Variants in TULP4 observed in about 807,000 individuals in gnomAD.
TULP4 encodes the protein tubby-related protein 4.
Under a neutral mutation model 129.0 loss-of-function variants are expected in TULP4, and 16 were observed. That is an observed-to-expected ratio of 0.12 (90% CI 0.08 to 0.19). The LOEUF (loss-of-function observed/expected upper bound fraction) is 0.19, where lower values mean the gene tolerates loss of function less well. Among genes scored for constraint, TULP4 ranks in the 10% least tolerant of loss-of-function variants. The probability of loss-of-function intolerance (pLI) is 1.00; values close to 1 mark genes in which losing one functional copy is unlikely to be tolerated. For synonymous variants in TULP4, 998 were observed against 854.0 expected, an observed-to-expected ratio of 1.17 and a Z score of -2.94; for missense variants, 1,842 against 2,059.1, an observed-to-expected ratio of 0.89 and a Z score of 2.04.
chr6:158,316,036 A>T (rs1445900866), intron 1 of TULP4, among the ~76,000 whole-genome samples: 2 of 152,224 alleles, frequency 1.3e-5, no homozygotes, highest in Non-Finnish European at 2.9e-5. Flanking sequence ...CTTAATGGAA[A>T]TGGAATCCTT....
Position 158,461,613 on chromosome 6 carries a change from A to G in TULP4, c.910A>G (p.Met304Val). ...GGGGGACTTGCTGGCAGTCGCTGGG[A>G]TGGAACGGCAGACCCAGCTTGGTGA... ...TQGDLLAVAGMERQTQLGELP... is the reference protein window; with the variant it reads ...TQGDLLAVAGVERQTQLGELP... Residue 304 changes from methionine (M) to valine (V), a missense_variant, in exon 6 of 14, where the codon ATG becomes GTG. Met to Val is a conservative substitution (Grantham distance 21). Coordinates refer to ENST00000367097, the MANE Select transcript of TULP4 (RefSeq NM_020245.5). 6.2e-7 allele frequency: 1 copy of G among 1,613,960 alleles called. No individual in the cohort carries two copies. Among genetic ancestry groups the G allele is most frequent in the Non-Finnish European group, 8.5e-7 (1 of 1,179,998 alleles).
intron 8 of TULP4, among the ~76,000 whole-genome samples, chr6:158,486,705 T>A (rs1780079099): frequency 6.6e-6 from 1 of 152,344 alleles, no homozygotes; most frequent in East Asian, 1.9e-4. Context: ...ACAATTTCTA[T>A]TATTGGAGCC....
intron 3 of TULP4, among the ~76,000 whole-genome samples, chr6:158,435,351 T>C (rs1778727648): frequency 6.6e-6 from 1 of 152,134 alleles, no homozygotes; most frequent in Non-Finnish European, 1.5e-5. Flanking sequence ...GCTCTTGGCC[T>C]CAGATGCGGT....
intron 7 of TULP4, 41 bp downstream of exon 7, chr6:158,480,016 G>A (rs374297218): frequency 4.2e-5 from 63 of 1,489,632 alleles, no homozygotes; most frequent in Non-Finnish European, 5.7e-5. Context: ...TCCCTCACCT[G>A]TGCTGGCTCC....
rs1432898072 is a variant in TULP4 at position 158,423,930 on chromosome 6, G to A, written c.382-5806G>A. 5.3e-5 allele frequency among the ~76,000 whole-genome samples: 8 copies of A among 152,134 alleles called. No homozygotes were observed. In the East Asian group the frequency reaches 1.2e-3, roughly 22 times the overall value. On this transcript the variant is annotated intron_variant, in intron 2 of 13. Transcript: ENST00000367097. Reference sequence around the variant, plus strand: ...GCTGGGATTACAGGTGTGAGCCACCGCGCCTGGCCAACTTCTTCTCTTTGG... The same window carrying A: ...GCTGGGATTACAGGTGTGAGCCACCACGCCTGGCCAACTTCTTCTCTTTGG...
At position 158,493,177 on chromosome 6, in the gene TULP4, A is replaced by G. The variant is rs575074644; in HGVS notation, c.1632-396A>G. The stretch of plus-strand genomic sequence containing the variant: ...CAAATGGATCGCTGGATCTCATTTC[A>G]GTGTATACTAAGTATATTTTGAGAT... On this transcript the variant is annotated intron_variant, in intron 9 of 13. Coordinates refer to ENST00000367097, the MANE Select transcript of TULP4 (RefSeq NM_020245.5). This position sits in a 1 kb window ranked among gnomAD's most constrained non-coding sequence, Gnocchi z 4.4. 1.2e-4 allele frequency among the ~76,000 whole-genome samples: 19 copies of G among 152,268 alleles called. No homozygotes were observed. The highest frequency in any genetic ancestry group is 3.4e-3 in the Middle Eastern group (1 of 294).
intron 1 of TULP4, among the ~76,000 whole-genome samples, chr6:158,251,225 G>T (rs1778133679): frequency 6.6e-6 from 1 of 152,142 alleles, no homozygotes; most frequent in South Asian, 2.1e-4. Context: ...TATAGCATGG[G>T]TTTATCTAAT....
intron 1 of TULP4, among the ~76,000 whole-genome samples, chr6:158,235,320 CTT>C (rs1777669734): frequency 6.6e-6 from 1 of 152,154 alleles, no homozygotes; most frequent in African/African-American, 2.4e-5. Flanking sequence ...AACCCCAACT[CTT>C]TCTTTTCCCC....
At chr6:158,317,331 G>A (rs1335482819) in intron 1 of TULP4, among the ~76,000 whole-genome samples, 1 of 46,132 alleles carries the variant, frequency 2.2e-5, no homozygotes, top group East Asian at 5.1e-4. Context: ...CCCACCCCAC[G>A]ACAGGCCCCC....
At chr6:158,410,770 T>A (rs1778079941) in intron 1 of TULP4, among the ~76,000 whole-genome samples, 2 of 152,048 alleles carry the variant, frequency 1.3e-5, no homozygotes, top group Admixed American at 1.3e-4. Flanking sequence ...TTGGTCTAAC[T>A]TAAAAAAAAA....
intron 1 of TULP4, among the ~76,000 whole-genome samples, chr6:158,381,760 G>A (rs953055570): frequency 3.3e-5 from 5 of 152,172 alleles, no homozygotes; most frequent in Non-Finnish European, 5.9e-5. Flanking sequence ...CTTCAGTAAT[G>A]ACAATAGTTT....
At chr6:158,364,987 G>A (rs1354410938) in intron 1 of TULP4, among the ~76,000 whole-genome samples, 4 of 151,830 alleles carry the variant, frequency 2.6e-5, no homozygotes, top group East Asian at 1.9e-4. Flanking sequence ...CACCTGCCTC[G>A]GCCTCCCAAA....
In TULP4 at chr6:158,503,285, T is replaced by A; in HGVS notation, c.3622T>A (p.Ser1208Thr). Residue 1208 changes from serine (S) to threonine (T), a missense_variant, in exon 13 of 14, where the codon TCT becomes ACT. By Grantham distance (58) the Ser-to-Thr change is moderately conservative (BLOSUM62 1). Transcript: ENST00000367097. The surrounding 1 kb of genome is among the most constrained non-coding windows in gnomAD (Gnocchi z 4.3). ...PPLPGVQAPC[S>T]PKDALSPTQF... ...TTTGCCTGGAGTGCAGGCTCCCTGC[T>A]CTCCCAAAGATGCCCTGTCCCCAAC... The A allele has an allele frequency of 2.5e-6, 4 of 1,613,572 alleles. No individual in the cohort carries two copies. Among genetic ancestry groups the A allele is most frequent in the Non-Finnish European group, 3.4e-6 (4 of 1,179,922 alleles).
intron 2 of TULP4, among the ~76,000 whole-genome samples, chr6:158,424,104 A>G (rs1172797413): frequency 6.6e-6 from 1 of 152,216 alleles, no homozygotes; most frequent in Non-Finnish European, 1.5e-5. Context: ...TATATTTTTA[A>G]AATATATTTG....
At position 158,501,718 on chromosome 6, in the gene TULP4, T is replaced by C; in HGVS notation, c.2055T>C (p.Cys685=). The part of the protein sequence containing the change: ...ASGVPENSPP[C]TVNIPIAPIH... ...GTGTCCCTGAGAACAGCCCACCTTG[T>C]ACCGTGAACATCCCTATTGCACCGA... Residue 685 remains cysteine, a synonymous_variant, in exon 13 of 14, where the codon TGT becomes TGC. Transcript: ENST00000367097. 6.2e-7 allele frequency: 1 copy of C among 1,613,994 alleles called. No individual in the cohort carries two copies. Among genetic ancestry groups the C allele is most frequent in the East Asian group, 2.2e-5 (1 of 44,860 alleles).
intron 1 of TULP4, chr6:158,237,657 A>C (rs1777740382): frequency 7.9e-7 from 1 of 1,261,404 alleles, no homozygotes; most frequent in African/African-American, 1.5e-5. Flanking sequence ...TTGGGTCATA[A>C]TTCTTAGGCA....
intron 6 of TULP4, among the ~76,000 whole-genome samples, chr6:158,479,384 T>A (rs954739594): frequency 3.3e-5 from 5 of 152,212 alleles, no homozygotes; most frequent in Non-Finnish European, 7.3e-5. Context: ...ATAAAATTAT[T>A]CCAATGCTTT....
intron 1 of TULP4, among the ~76,000 whole-genome samples, chr6:158,337,126 C>CTTTTTTTT (rs1583764634): frequency 1.7e-5 from 1 of 59,204 alleles, no homozygotes; most frequent in Non-Finnish European, 3.2e-5. Context: ...CTCTTTCTTT[C>CTTTTTTTT]TCTTTTTTTT....
At chr6:158,476,838 G>C (rs2128248828) in intron 6 of TULP4, among the ~76,000 whole-genome samples, 2 of 152,262 alleles carry the variant, frequency 1.3e-5, no homozygotes, top group Admixed American at 1.3e-4. Context: ...TTTAGGCTGT[G>C]GTATCAATAT....
Sources: allele counts gnomAD v4.1 joint callset (sites outside exome capture counted in the v4.1 genomes callset), GRCh38; gene constraint gnomAD v4.1.1; non-coding constraint Gnocchi (gnomAD v3.1); transcripts MANE v1.5; gene names NCBI Gene and HGNC (gene_info 2026-07-23, HGNC 2026-07-21).